TRIM9: variants seen among roughly 807,000 people sequenced by gnomAD.
The protein encoded by TRIM9 is E3 ubiquitin-protein ligase TRIM9.
A neutral mutation model predicts 78.3 loss-of-function variants in TRIM9; 26 were observed. The observed-to-expected ratio is 0.33, with a 90% CI of 0.24 to 0.46. TRIM9 has a LOEUF of 0.46. Among genes scored for constraint, TRIM9 ranks in the 20% least tolerant of loss-of-function variants. The pLI is 1.00. For missense variants in TRIM9, 787 were observed against 1,036.4 expected (o/e 0.76, Z 3.30); for synonymous variants, 398 against 416.5 (o/e 0.96, Z 0.54).
In TRIM9 at chr14:50,982,072, C is replaced by T. The variant is rs200018750; in HGVS notation, c.1890G>A (p.Ala630=). ...CATTGGAGAGGATGATGTCCGAGTG[C>T]GCCGAGCCAGGGTCGAAAGCAAACC... is the stretch of plus-strand genomic sequence containing the variant. ...VAWFAFDPGS[A]HSDIILSNDN... is the part of the protein sequence containing the mutation. The change falls in exon 11 of 13, where the codon GCG becomes GCA. Residue 630 remains alanine (A), a synonymous_variant. Transcript: ENST00000684578. The T allele has an allele frequency of 1.9e-5, 31 of 1,614,000 alleles. No individual in the cohort carries two copies. Among genetic ancestry groups the T allele is most frequent in the South Asian group, 5.5e-5 (5 of 91,078 alleles).
chr14:51,000,959 G>A, intron 5 of TRIM9, 119 bp from the exon 6 acceptor site: 2 of 1,197,026 alleles, frequency 1.7e-6, no homozygotes, highest in Non-Finnish European at 2.4e-6. Context: ...GGGGTGCACA[G>A]GGGAACTGAA....
At chr14:51,073,522 T>G (rs2062481255) in intron 1 of TRIM9, among the ~76,000 whole-genome samples, 1 of 152,208 alleles carries the variant, frequency 6.6e-6, no homozygotes, top group Non-Finnish European at 1.5e-5. Flanking sequence ...AACATATCTT[T>G]GAGCAAGAGA....
At position 50,986,240 on chromosome 14, in the gene TRIM9, A is replaced by G. The variant is rs1392043488; in HGVS notation, c.1604-96T>C. The stretch of plus-strand genomic sequence containing the variant: ...ACCTGCCTTAACAATGCATTCATAC[A>G]AAGCCTCATCTTTCCCACAGGGTGC... On this transcript the variant is annotated intron_variant, in intron 7 of 12. Transcript: ENST00000684578. 3.7e-6 allele frequency: 4 copies of G among 1,076,506 alleles called. No individual in the cohort carries two copies. In the African/African-American group the frequency reaches 6.5e-5, roughly 18 times the overall value. 66.7% of individuals were successfully genotyped at this position (1,076,506 alleles called of 1,614,324 possible). A position where few individuals can be genotyped will look rare whatever the true frequency, so the allele number is the denominator to read the frequency against.
intron 5 of TRIM9, among the ~76,000 whole-genome samples, chr14:51,008,672 C>G (rs2056165729): frequency 6.6e-6 from 1 of 152,222 alleles, no homozygotes; most frequent in Non-Finnish European, 1.5e-5. Context: ...CCCACTGATC[C>G]ATGCTCAACC....
chr14:50,999,689 GT>G (rs991467514), intron 6 of TRIM9, among the ~76,000 whole-genome samples: 1 of 152,090 alleles, frequency 6.6e-6, no homozygotes, highest in African/African-American at 2.4e-5. Context: ...CGGGCCTGAG[GT>G]TTTTTTAGAC....
At chr14:51,085,859 A>T (rs2063704172) in intron 1 of TRIM9, among the ~76,000 whole-genome samples, 1 of 152,152 alleles carries the variant, frequency 6.6e-6, no homozygotes, top group South Asian at 2.1e-4. Context: ...AGCTGGTAAA[A>T]TCTTACTGTC....
At chr14:51,093,506 C>A (rs1566658870) in intron 1 of TRIM9, among the ~76,000 whole-genome samples, 1 of 152,224 alleles carries the variant, frequency 6.6e-6, no homozygotes, top group Non-Finnish European at 1.5e-5. Context: ...GCTGGCTGCC[C>A]TCTCCGCTCT....
At chr14:50,982,472 TGAGGCGGG>T (rs2052074275) in intron 10 of TRIM9, among the ~76,000 whole-genome samples, 2 of 152,198 alleles carry the variant, frequency 1.3e-5, no homozygotes, top group South Asian at 4.2e-4. Context: ...GTGTAACCCC[TGAGGCGGG>T]GAGGCTAGGA....
chr14:51,025,121 G>T, intron 2 of TRIM9, 144 bp downstream of exon 2: 1 of 736,098 alleles, frequency 1.4e-6, no homozygotes, highest in Non-Finnish European at 2.3e-6. Flanking sequence ...TGATCTCTAT[G>T]TGTTTGTATG....
chr14:50,982,743 T>C, intron 10 of TRIM9, 199 bp downstream of exon 10: 1 of 518,564 alleles, frequency 1.9e-6, no homozygotes, highest in Non-Finnish European at 3.4e-6. Flanking sequence ...CGTCAGAAAT[T>C]TTGCTGGAGC....
intron 7 of TRIM9, among the ~76,000 whole-genome samples, chr14:50,989,454 A>G (rs2053190934): frequency 6.6e-6 from 1 of 152,192 alleles, no homozygotes; most frequent in Admixed American, 6.5e-5. Flanking sequence ...ACAAAGAGGA[A>G]TGAGGTTGTC....
At chr14:51,080,614 G>C (rs751323994) in intron 1 of TRIM9, among the ~76,000 whole-genome samples, 1 of 152,148 alleles carries the variant, frequency 6.6e-6, no homozygotes, top group Admixed American at 6.6e-5. Flanking sequence ...ACTTTGCAGA[G>C]GGTTGAGCAA....
Position 50,979,978 on chromosome 14 carries a change from T to C in TRIM9, c.2163-429A>G, listed in dbSNP as rs181087785. On this transcript the variant is annotated intron_variant, in intron 11 of 12. Transcript: ENST00000684578. ...TCTGACTCTAGGAATATTGCACACT[T>C]TGTATAAATGGTGTGAATTAAATAT... 1.4e-4 allele frequency among the ~76,000 whole-genome samples: 21 copies of C among 152,334 alleles called. No homozygotes were observed. In the East Asian group the frequency reaches 4.0e-3, roughly 29 times the overall value.
chr14:50,995,006 C>CTCCTT (rs968973991), intron 7 of TRIM9, among the ~76,000 whole-genome samples: 1 of 152,116 alleles, frequency 6.6e-6, no homozygotes. Flanking sequence ...ATAATGCATT[C>CTCCTT]TCCTTTCCTT....
intron 1 of TRIM9, among the ~76,000 whole-genome samples, chr14:51,035,009 A>G (rs1173987279): frequency 6.6e-6 from 1 of 152,098 alleles, no homozygotes; most frequent in Admixed American, 6.6e-5. Context: ...TAACATATTT[A>G]GTCATATGGG....
intron 1 of TRIM9, among the ~76,000 whole-genome samples, chr14:51,029,924 A>T (rs541601747): frequency 3.3e-5 from 5 of 152,236 alleles, no homozygotes; most frequent in African/African-American, 9.6e-5. Flanking sequence ...TGTTTAATCC[A>T]CGGTGAGAGC....
Position 51,094,708 on chromosome 14 carries a change from A to G in TRIM9, c.232T>C (p.Tyr78His). ...CTGGCGAACCCCCCGTAGGAGCCAT[A>G]GCCGCTGTCCGCCTCGCTGTATAGG... is the stretch of plus-strand genomic sequence containing the variant. Reference protein sequence around the residue: ...MSLYSEADSGYGSYGGFASAP... With the variant: ...MSLYSEADSGHGSYGGFASAP... Residue 78 changes from tyrosine to histidine, a missense_variant, in exon 1 of 13, where the codon TAT (tyrosine) becomes CAT (histidine). By Grantham distance (83) the Tyr-to-His change is moderately conservative. This residue lies in a region of TRIM9 where 352 missense variants were observed against 472.3 expected (regional missense o/e 0.75). Transcript: ENST00000684578. 1 of 1,560,980 alleles carries G rather than the reference A, an allele frequency of 6.4e-7. No individual in the cohort carries two copies. Among genetic ancestry groups the G allele is most frequent in the Non-Finnish European group, 8.7e-7 (1 of 1,152,948 alleles).
chr14:51,079,179 G>A (rs2063077867), intron 1 of TRIM9, among the ~76,000 whole-genome samples: 1 of 152,156 alleles, frequency 6.6e-6, no homozygotes, highest in Non-Finnish European at 1.5e-5. Flanking sequence ...ATGGAAAATT[G>A]ATGACTTTGT....
intron 1 of TRIM9, among the ~76,000 whole-genome samples, chr14:51,057,604 T>C (rs984393038): frequency 2.0e-5 from 3 of 152,200 alleles, no homozygotes; most frequent in African/African-American, 7.2e-5. Context: ...CTATTTATGG[T>C]CCACCCAAAA....
Sources: allele counts gnomAD v4.1 joint callset (sites outside exome capture counted in the v4.1 genomes callset), GRCh38; gene constraint gnomAD v4.1.1; regional missense constraint gnomAD v4.1.1; transcripts MANE v1.5; gene names NCBI Gene and HGNC (gene_info 2026-07-23, HGNC 2026-07-21).